Variants in SURF4 observed in about 807,000 individuals in gnomAD.
SURF4 encodes surfeit locus protein 4.
A neutral mutation model predicts 30.0 loss-of-function variants in SURF4; 3 were observed. The observed-to-expected ratio is 0.10, with a 90% CI of 0.05 to 0.26. The LOEUF (loss-of-function observed/expected upper bound fraction) is 0.26. Ranked by LOEUF, SURF4 falls within the 10% of genes least tolerant of loss-of-function variation. SURF4 has a pLI of 1.00. For synonymous variants in SURF4, 143 were observed against 139.9 expected (o/e 1.02, Z -0.16); for missense variants, 217 against 350.8 (o/e 0.62, Z 3.05).
chr9:133,365,934 T>C, intron 4 of SURF4, 51 bp downstream of exon 4: 1 of 1,579,146 alleles, frequency 6.3e-7, no homozygotes, highest in Non-Finnish European at 8.7e-7. Flanking sequence ...GGATTTGCAA[T>C]GCTCAACCTG....
chr9:133,375,107 A>G (rs1837800208), intron 1 of SURF4: 1 of 605,610 alleles, frequency 1.7e-6, no homozygotes, highest in South Asian at 7.3e-5. Context: ...TGTCAAGCTT[A>G]ATCAAGAAAG....
upstream of SURF4, chr9:133,376,278 C>T: frequency 7.6e-7 from 1 of 1,319,736 alleles, no homozygotes; most frequent in South Asian, 2.1e-5. Flanking sequence ...CGCGCAGGCC[C>T]TGCGGTCCCT....
At chr9:133,374,964 C>G (rs932108038) in intron 1 of SURF4, among the ~76,000 whole-genome samples, 2 of 152,156 alleles carry the variant, frequency 1.3e-5, no homozygotes, top group South Asian at 4.1e-4. Flanking sequence ...GAGGAAAAAA[C>G]GGCAAGTGGG....
chr9:133,375,770 G>T, intron 1 of SURF4, 152 bp downstream of exon 1: 1 of 813,338 alleles, frequency 1.2e-6, no homozygotes, highest in Non-Finnish European at 1.6e-6. Flanking sequence ...TGTCCAGCCG[G>T]GACAGAGGGC....
At position 133,362,050 on chromosome 9, in the gene SURF4, G is replaced by A. The variant is rs2130070167; in HGVS notation, c.*1443C>T. On this transcript the variant is annotated 3_prime_UTR_variant, in exon 6 of 6. Coordinates refer to ENST00000371989, the MANE Select transcript of SURF4 (RefSeq NM_033161.4). ...CTACCAGGGGAATATTTGCAAACGC[G>A]TTGGGACTAGTTCGGCTGTGTTAAA... 62 of 152,346 alleles carry A rather than the reference G, an allele frequency of 4.1e-4. No individual in the cohort carries two copies. The highest frequency in any genetic ancestry group is 1.4e-3 in the African/African-American group (58 of 41,568). 9.4% of individuals were successfully genotyped at this position (152,346 alleles called of 1,614,324 possible). A position where few individuals can be genotyped will look rare whatever the true frequency, so the allele number is the denominator to read the frequency against.
In SURF4 at chr9:133,370,691, A is replaced by G. The variant is rs139365728; in HGVS notation, c.49-3246T>C. ...GACACACAGCACCCCAGGACAGACA[A>G]GAGCAGCCGCACTGCAGGCACTAAG... On this transcript the variant is annotated intron_variant, in intron 1 of 5. Transcript: ENST00000371989. Among the ~76,000 whole-genome samples the G allele has an allele frequency of 1.1e-3, 172 of 152,298 alleles. 3 individuals are homozygous for G. In the East Asian group the frequency reaches 0.027, roughly 24 times the overall value.
In SURF4 at chr9:133,363,718, C is replaced by A. The variant is rs1334724402; in HGVS notation, c.585G>T (p.Val195=). 6.2e-7 allele frequency: 1 copy of A among 1,614,046 alleles called. No homozygotes were observed. Among genetic ancestry groups the A allele is most frequent in the Non-Finnish European group, 8.5e-7 (1 of 1,180,048 alleles). ...CCAGCTTGGTTTTAAAACCAATGGC[C>A]ACTAAAATCATCAGAGCTGTGCCCA... ...NIVGTALMIL[V]AIGFKTKLAA... is the part of the protein sequence containing the mutation. Residue 195 remains valine, a synonymous_variant, in exon 6 of 6, where the codon GTG becomes GTT. Coordinates refer to ENST00000371989, the MANE Select transcript of SURF4 (RefSeq NM_033161.4). The surrounding 1 kb of genome is among the most constrained non-coding windows in gnomAD (Gnocchi z 4.3).
Position 133,364,919 on chromosome 9 carries a change from T to C in SURF4, c.464A>G (p.Gln155Arg), listed in dbSNP as rs2130111138. The part of the protein sequence containing the change: ...VPTMRESSPK[Q>R]YMQLGGRVLL... ...GACCCTGCCTCCGAGCTGCATGTAC[T>C]GTTTGGGGGAGCTCTCACGCATGGT... Residue 155 changes from glutamine (Q) to arginine (R), a missense_variant, in exon 5 of 6, where the codon CAG becomes CGG. Physicochemically the swap from Gln to Arg is conservative, Grantham distance 43 (BLOSUM62 1). Transcript: ENST00000371989. The C allele has an allele frequency of 1.2e-6, 2 of 1,614,070 alleles. No homozygotes were observed. Among genetic ancestry groups the C allele is most frequent in the Non-Finnish European group, 1.7e-6 (2 of 1,179,994 alleles).
At chr9:133,364,041 T>G in intron 5 of SURF4, 1 of 670,932 alleles carries the variant, frequency 1.5e-6, no homozygotes, top group Non-Finnish European at 2.7e-6. Context: ...ATAACTAAAT[T>G]CCCAAGTGCT....
chr9:133,376,348 C>A, upstream of SURF4: 1 of 1,378,068 alleles, frequency 7.3e-7, no homozygotes, highest in Non-Finnish European at 9.4e-7. Context: ...CTGGGGCCAG[C>A]GCGCGGGAGG....
At chr9:133,377,403 G>A (rs2130253895), upstream of SURF4, among the ~76,000 whole-genome samples, 303 of 152,332 alleles carry the variant, frequency 2.0e-3, 1 homozygote, top group African/African-American at 7.0e-3. Context: ...GGTGGCTCAC[G>A]CCTGTAATCC....
intron 1 of SURF4, among the ~76,000 whole-genome samples, chr9:133,372,981 AAGG>A (rs1257571689): frequency 1.3e-5 from 2 of 152,186 alleles, no homozygotes; most frequent in Non-Finnish European, 2.9e-5. Context: ...ACGGACTCTT[AAGG>A]AGATCATCTG....
chr9:133,373,933 A>AAAAG (rs1554773647), intron 1 of SURF4, among the ~76,000 whole-genome samples: 1 of 149,138 alleles, frequency 6.7e-6, no homozygotes. Context: ...AAAAAAAAAA[A>AAAAG]AAGAAGAAGA....
intron 1 of SURF4, chr9:133,371,270 G>C: frequency 6.7e-6 from 2 of 298,626 alleles, no homozygotes; most frequent in Non-Finnish European, 9.9e-6. Context: ...CCCAACTCAG[G>C]TCCCACACAT....
upstream of SURF4, chr9:133,376,209 C>G (rs1837930805): frequency 5.5e-6 from 7 of 1,278,618 alleles, no homozygotes; most frequent in Non-Finnish European, 6.9e-6. Context: ...CCCATCCGCT[C>G]GAAGCCACGC....
chr9:133,365,137 T>C, intron 4 of SURF4, 111 bp from the exon 5 acceptor site: 1 of 1,050,996 alleles, frequency 9.5e-7, no homozygotes, highest in Non-Finnish European at 1.3e-6. Flanking sequence ...CTTACTTCCC[T>C]TTCTCCAAAC....
chr9:133,371,007 T>G, intron 1 of SURF4: 1 of 1,284,876 alleles, frequency 7.8e-7, no homozygotes, highest in Non-Finnish European at 1.0e-6. Context: ...GTGGTTATTT[T>G]AGACGACTGA....
At position 133,361,917 on chromosome 9, in the gene SURF4, G is replaced by A. The variant is rs2130067442; in HGVS notation, c.*1576C>T. On this transcript the variant is annotated 3_prime_UTR_variant, in exon 6 of 6. Transcript: ENST00000371989. Reference sequence around the variant, plus strand: ...AGCCCTGGTGAGGTTGAAACACTGAGACAAGCCAGTCTTCATGCAGTGAGC... The same window carrying A: ...AGCCCTGGTGAGGTTGAAACACTGAAACAAGCCAGTCTTCATGCAGTGAGC... The A allele has an allele frequency of 6.6e-6, 1 of 152,400 alleles. No individual in the cohort carries two copies. Among genetic ancestry groups the A allele is most frequent in the South Asian group, 2.1e-4 (1 of 4,832 alleles). 9.4% of individuals were successfully genotyped at this position (152,400 alleles called of 1,614,324 possible).
rs1348443780 is a variant in SURF4, at chr9:133,366,041, A to G, written c.313-13T>C. The G allele has an allele frequency of 1.2e-6, 2 of 1,613,842 alleles. No individual in the cohort carries two copies. Among genetic ancestry groups the G allele is most frequent in the Non-Finnish European group, 1.7e-6 (2 of 1,179,816 alleles). The stretch of plus-strand genomic sequence containing the variant: ...TGTAGGCAATCGTCTGAGGGGAAAG[A>G]AGAGAGAGATACTTGAGTCTCAGCC... On this transcript the variant is annotated splice_polypyrimidine_tract_variant and intron_variant, in intron 3 of 5. Transcript: ENST00000371989.
Sources: gnomAD v4.1 joint callset for allele counts (sites outside exome capture counted in the v4.1 genomes callset) on GRCh38, gnomAD v4.1.1 for gene constraint, Gnocchi (gnomAD v3.1) non-coding constraint, MANE v1.5 for transcripts, NCBI Gene and HGNC (gene_info 2026-07-23, HGNC 2026-07-21) for gene names.